Variants in TAF2 observed in about 807,000 individuals in gnomAD.
The protein encoded by TAF2 is TATA-box binding protein associated factor 2.
In TAF2, 61 loss-of-function variants were observed where a neutral mutation model predicts 138.5. That is an observed-to-expected ratio of 0.44 (90% confidence interval 0.36 to 0.54). TAF2 has a LOEUF of 0.54. Among genes scored for constraint, TAF2 ranks in the 20% least tolerant of loss-of-function variants. The pLI is 0.00. For missense variants in TAF2, 1,090 were observed against 1,427.9 expected, an observed-to-expected ratio of 0.76 and a Z score of 3.81; for synonymous variants, 475 against 469.9, an observed-to-expected ratio of 1.01 and a Z score of -0.14.
chr8:119,741,824 T>A (rs1477182541), intron 25 of TAF2, among the ~76,000 whole-genome samples: 1 of 152,230 alleles, frequency 6.6e-6, no homozygotes, highest in African/African-American at 2.4e-5. Context: ...TATCTTGTTT[T>A]TTCACTCCCT....
chr8:119,762,563 TGGCCAG>T lies in TAF2; in HGVS notation c.2404_2409del (p.Leu802_Ala803del). ...ACACTGACTGCAGGTGTAACAGAGT[TGGCCAG>T]GGCATCAATCATTTCTGCACGATAA... On this transcript the variant is annotated inframe_deletion, in exon 19 of 26. Transcript: ENST00000378164. 1 of 1,613,712 alleles carries T rather than the reference TGGCCAG, an allele frequency of 6.2e-7. No homozygotes were observed.
intron 9 of TAF2, among the ~76,000 whole-genome samples, chr8:119,794,546 T>C (rs916922760): frequency 2.0e-5 from 3 of 152,236 alleles, no homozygotes; most frequent in Non-Finnish European, 2.9e-5. Context: ...CTGGGCCTAC[T>C]ACTTACTAGC....
rs1356367568 is a variant in TAF2, at chr8:119,789,762, C to T, written c.1414-16G>A. On this transcript the variant is annotated splice_polypyrimidine_tract_variant and intron_variant, in intron 11 of 25. Coordinates refer to ENST00000378164, the MANE Select transcript of TAF2 (RefSeq NM_003184.4). ...TATTGAAAACCTGTAAGGATAAAAT[C>T]ATTTAGTAAATTCATATAACAGATT... is the stretch of plus-strand genomic sequence containing the variant. 1 of 1,610,960 alleles carries T rather than the reference C, an allele frequency of 6.2e-7. No individual in the cohort carries two copies. Among genetic ancestry groups the T allele is most frequent in the African/African-American group, 1.3e-5 (1 of 74,846 alleles).
At chr8:119,819,788 C>A (rs1472464333) in intron 2 of TAF2, among the ~76,000 whole-genome samples, 1 of 151,500 alleles carries the variant, frequency 6.6e-6, no homozygotes, top group Non-Finnish European at 1.5e-5. Context: ...CTCTCAAAAA[C>A]CAGAATTTCT....
At chr8:119,791,167 A>C (rs927674844) in intron 11 of TAF2, among the ~76,000 whole-genome samples, 157 bp downstream of exon 11, 2 of 152,174 alleles carry the variant, frequency 1.3e-5, no homozygotes, top group Non-Finnish European at 2.9e-5. Flanking sequence ...TACCCATTCT[A>C]CATCTGAGGA....
intron 9 of TAF2, among the ~76,000 whole-genome samples, chr8:119,795,065 A>G (rs1047842473): frequency 1.3e-5 from 2 of 152,132 alleles, no homozygotes; most frequent in African/African-American, 4.8e-5. Flanking sequence ...AGATGTGACA[A>G]TGACAACATA....
intron 3 of TAF2, among the ~76,000 whole-genome samples, chr8:119,816,535 T>C (rs1488078842): frequency 6.6e-6 from 1 of 152,240 alleles, no homozygotes; most frequent in Non-Finnish European, 1.5e-5. Context: ...ATTTCAAAAC[T>C]GCTATATTTA....
intron 2 of TAF2, among the ~76,000 whole-genome samples, chr8:119,824,576 C>T (rs1051588058): frequency 6.6e-6 from 1 of 152,202 alleles, no homozygotes; most frequent in East Asian, 1.9e-4. Flanking sequence ...CAGAGGTCTT[C>T]ACACAGCCCC....
intron 8 of TAF2, 62 bp downstream of exon 8, chr8:119,796,928 A>G: frequency 8.2e-7 from 1 of 1,222,834 alleles, no homozygotes; most frequent in East Asian, 2.3e-5. Context: ...TTAAATGCAG[A>G]GAAAGAAAAG....
intron 22 of TAF2, among the ~76,000 whole-genome samples, chr8:119,749,717 C>A (rs1481195553): frequency 1.3e-5 from 2 of 152,126 alleles, no homozygotes; most frequent in East Asian, 1.9e-4. Flanking sequence ...CCAAGTCAAT[C>A]AATCCCATTG....
intron 2 of TAF2, among the ~76,000 whole-genome samples, chr8:119,828,104 C>G (rs773325398): frequency 1.3e-5 from 2 of 152,092 alleles, no homozygotes; most frequent in African/African-American, 2.4e-5. Flanking sequence ...TCTTGAACTC[C>G]TGACCTCAGG....
intron 25 of TAF2, among the ~76,000 whole-genome samples, chr8:119,738,100 G>A (rs2130980105): frequency 1.3e-5 from 2 of 150,820 alleles, no homozygotes; most frequent in African/African-American, 4.9e-5. Context: ...ATATACAGTT[G>A]TATATATATA....
Position 119,831,475 on chromosome 8 carries a change from G to A in TAF2, c.138+202C>T, listed in dbSNP as rs567371882. 2.6e-4 allele frequency among the ~76,000 whole-genome samples: 40 copies of A among 152,134 alleles called. No individual in the cohort carries two copies. In the South Asian group the frequency reaches 2.7e-3, roughly 10 times the overall value. ...TTTTAATTAGGAAATTGAAAAAAAA[G>A]GAAAGGGAGAATTTGGGAGGCAATA... is the stretch of plus-strand genomic sequence containing the variant. On this transcript the variant is annotated intron_variant, in intron 2 of 25. Transcript: ENST00000378164.
chr8:119,756,038 A>G lies in TAF2; in HGVS notation c.2846T>C (p.Leu949Pro). The change falls in exon 22 of 26, where the codon CTG becomes CCG. Residue 949 changes from leucine to proline, a missense_variant. Leu to Pro is a moderately conservative substitution (Grantham distance 98, BLOSUM62 -3). Transcript: ENST00000378164. ...CATAAGTTTCCAAAGTTGATCTACC[A>G]GGGCTTCATTGCATAAGGGAGACTC... ...NMESPLCNEA[L>P]VDQLWKLMNS... 6.2e-7 allele frequency: 1 copy of G among 1,613,674 alleles called. No homozygotes were observed. Among genetic ancestry groups the G allele is most frequent in the Non-Finnish European group, 8.5e-7 (1 of 1,179,788 alleles).
chr8:119,821,030 G>A (rs1825774878), intron 2 of TAF2, among the ~76,000 whole-genome samples: 2 of 152,048 alleles, frequency 1.3e-5, no homozygotes, highest in South Asian at 4.1e-4. Context: ...AAAGATTAAA[G>A]AAGTACTGTC....
chr8:119,796,633 A>C (rs1414111939), intron 8 of TAF2, among the ~76,000 whole-genome samples: 1 of 152,100 alleles, frequency 6.6e-6, no homozygotes, highest in Non-Finnish European at 1.5e-5. Context: ...GAATTCATTC[A>C]GTTCTTTAAG....
Position 119,785,240 on chromosome 8 carries a change from A to G in TAF2, c.1820T>C (p.Met607Thr). Residue 607 changes from methionine to threonine, a missense_variant, in exon 15 of 26, where the codon ATG (methionine) becomes ACG (threonine). Coordinates refer to ENST00000378164, the MANE Select transcript of TAF2 (RefSeq NM_003184.4). ...ATCCATATCAACTTCTTCTCCATTC[A>G]TCAGTGGGATTTTTTTCTTTTTATT... is the stretch of plus-strand genomic sequence containing the variant. ...RRNKKKKIPL[M>T]NGEEVDMDLS... 3 of 1,612,896 alleles carry G rather than the reference A, an allele frequency of 1.9e-6. No homozygotes were observed. Among genetic ancestry groups the G allele is most frequent in the Non-Finnish European group, 1.7e-6 (2 of 1,179,262 alleles).
At chr8:119,794,952 T>C (rs1031392974) in intron 9 of TAF2, among the ~76,000 whole-genome samples, 6 of 151,962 alleles carry the variant, frequency 3.9e-5, no homozygotes, top group Non-Finnish European at 8.8e-5. Context: ...ACACTAAGCA[T>C]GATATGATTA....
At position 119,791,432 on chromosome 8, in the gene TAF2, T is replaced by C; in HGVS notation, c.1305A>G (p.Ile435Met). The change falls in exon 11 of 26, where the codon ATA becomes ATG. Residue 435 changes from isoleucine to methionine, a missense_variant. By Grantham distance (10) the Ile-to-Met change is conservative (BLOSUM62 1). Around this residue, in one of 3 missense-constraint regions of TAF2, gnomAD observed 504 missense variants for 680.9 expected, o/e 0.74. Coordinates refer to ENST00000378164, the MANE Select transcript of TAF2 (RefSeq NM_003184.4). ...CCCAGGACAGTGTATGTGGATGCTT[T>C]ATTGAAAAGTGTAGATGGGAAGCCG... is the stretch of plus-strand genomic sequence containing the variant. ...DNPASHLHFSIKHPHTLSWEY... is the reference protein window; with the variant it reads ...DNPASHLHFSMKHPHTLSWEY... 1 of 1,613,772 alleles carries C rather than the reference T, an allele frequency of 6.2e-7. No homozygotes were observed. Among genetic ancestry groups the C allele is most frequent in the Non-Finnish European group, 8.5e-7 (1 of 1,179,842 alleles).
Sources: allele counts gnomAD v4.1 joint callset (sites outside exome capture counted in the v4.1 genomes callset), GRCh38; gene constraint gnomAD v4.1.1; regional missense constraint gnomAD v4.1.1; transcripts MANE v1.5; gene names NCBI Gene and HGNC (gene_info 2026-07-23, HGNC 2026-07-21).